Variants in COL4A3 observed in about 807,000 individuals in gnomAD.
COL4A3 encodes collagen alpha-3(IV) chain.
Under a neutral mutation model 217.4 loss-of-function variants are expected in COL4A3, and 135 were observed. The ratio of observed to expected loss-of-function variants is 0.62; its 90% confidence interval spans 0.54 to 0.72. The LOEUF (loss-of-function observed/expected upper bound fraction) is 0.72. Among genes scored for constraint, COL4A3 ranks in the 30% least tolerant of loss-of-function variants. COL4A3 has a pLI of 0.00. For synonymous variants in COL4A3, 690 were observed against 736.3 expected, an observed-to-expected ratio of 0.94 and a Z score of 1.02; for missense variants, 1,868 against 2,119.9, an observed-to-expected ratio of 0.88 and a Z score of 2.33.
chr2:227,244,790 T>C, intron 4 of COL4A3, 161 bp from the exon 5 acceptor site: 1 of 813,242 alleles, frequency 1.2e-6, no homozygotes, highest in South Asian at 1.4e-5. Flanking sequence ...TTACAAAAGT[T>C]TGTTAAACCT....
chr2:227,232,079 G>A (rs1012127249), intron 1 of COL4A3, among the ~76,000 whole-genome samples: 2 of 152,052 alleles, frequency 1.3e-5, no homozygotes, highest in Non-Finnish European at 2.9e-5. Flanking sequence ...TCTGTACCTG[G>A]CTTATTTCAT....
At chr2:227,181,127 T>C (rs2065855325) in intron 1 of COL4A3, among the ~76,000 whole-genome samples, 1 of 152,174 alleles carries the variant, frequency 6.6e-6, no homozygotes, top group African/African-American at 2.4e-5. Flanking sequence ...TACCTGTTAA[T>C]AGAGAAAAAA....
At chr2:227,200,098 C>T (rs1050530755) in intron 1 of COL4A3, among the ~76,000 whole-genome samples, 3 of 152,144 alleles carry the variant, frequency 2.0e-5, no homozygotes, top group South Asian at 4.1e-4. Flanking sequence ...TTCCCAGGTG[C>T]ACAGCTGAAT....
At chr2:227,224,797 A>T (rs971610627) in intron 1 of COL4A3, among the ~76,000 whole-genome samples, 1 of 152,210 alleles carries the variant, frequency 6.6e-6, no homozygotes, top group Non-Finnish European at 1.5e-5. Context: ...TGAGAAAACA[A>T]TTAATAAATT....
rs11315628 is a variant in COL4A3, at chr2:227,172,581, CTTTTTTTT to C, written c.87+7785_87+7792del. Among the ~76,000 whole-genome samples, 129 of 73,590 alleles carry C rather than the reference CTTTTTTTT, an allele frequency of 1.8e-3. 1 individual carries two copies. Among genetic ancestry groups the C allele is most frequent in the Non-Finnish European group, 2.2e-3 (91 of 41,716 alleles). 48.3% of individuals were successfully genotyped at this position (73,590 alleles called of 152,430 possible). ...CATCTTCTTCTTTCTTCGTCTTCTT[CTTTTTTTT>C]TTTTTTTTTTTTTTTTAGATGGAGT... On this transcript the variant is annotated intron_variant, in intron 1 of 51. Transcript: ENST00000396578.
intron 34 of COL4A3, among the ~76,000 whole-genome samples, chr2:227,288,560 T>A (rs796978264): frequency 1.1e-4 from 16 of 152,366 alleles, no homozygotes; most frequent in African/African-American, 3.8e-4. Flanking sequence ...TTGACTTACC[T>A]AATACTTTAT....
Position 227,261,095 on chromosome 2 carries a change from C to T in COL4A3, c.1128C>T (p.Pro376=). 6.2e-7 allele frequency: 1 copy of T among 1,612,070 alleles called. No individual in the cohort carries two copies. The highest frequency in any genetic ancestry group is 8.5e-7 in the Non-Finnish European group (1 of 1,178,128). The part of the protein sequence containing the change: ...GARGPQGPSG[P]PGVPGSPGSS... ...ATATATTCCCAGGTCCCAGTGGTCC[C>T]CCCGGAGTTCCTGGAAGTCCTGGTA... is the stretch of plus-strand genomic sequence containing the variant. Residue 376 remains proline (P), a synonymous_variant, in exon 20 of 52, where the codon CCC becomes CCT. Coordinates refer to ENST00000396578, the MANE Select transcript of COL4A3 (RefSeq NM_000091.5).
chr2:227,225,014 C>T (rs971558316), intron 1 of COL4A3, among the ~76,000 whole-genome samples: 1 of 152,162 alleles, frequency 6.6e-6, no homozygotes, highest in African/African-American at 2.4e-5. Flanking sequence ...TGGGCTCCAG[C>T]GATCCTCCCG....
chr2:227,194,641 T>C (rs961989577), intron 1 of COL4A3, among the ~76,000 whole-genome samples: 5 of 152,054 alleles, frequency 3.3e-5, no homozygotes, highest in Admixed American at 3.3e-4. Context: ...AGAAGATAAA[T>C]GCAGTATGCA....
intron 1 of COL4A3, among the ~76,000 whole-genome samples, chr2:227,189,733 A>G (rs2066160435): frequency 6.6e-6 from 1 of 152,218 alleles, no homozygotes; most frequent in East Asian, 1.9e-4. Context: ...ATTTGCTTCC[A>G]TAATTTAAAA....
At chr2:227,260,245 C>A (rs545718206) in intron 19 of COL4A3, among the ~76,000 whole-genome samples, 8 of 152,254 alleles carry the variant, frequency 5.3e-5, no homozygotes, top group Non-Finnish European at 7.4e-5. Flanking sequence ...GAACTGAAAC[C>A]CTGGTTTCCT....
Position 227,273,181 on chromosome 2 carries a change from C to T in COL4A3, c.1927+64C>T, listed in dbSNP as rs150051487. 1,747 of 1,557,250 alleles carry T rather than the reference C, an allele frequency of 1.1e-3. 2 individuals are homozygous for T. The highest frequency in any genetic ancestry group is 1.4e-3 in the Non-Finnish European group (1,618 of 1,131,028). ...GTGGGTTGATGGTTTCTAGAGCTAA[C>T]GAAGCTTCTCCAAGACTAAGGAAAA... On this transcript the variant is annotated intron_variant, in intron 26 of 51. Coordinates refer to ENST00000396578, the MANE Select transcript of COL4A3 (RefSeq NM_000091.5).
chr2:227,291,333 A>G (rs1374060977), intron 37 of COL4A3, among the ~76,000 whole-genome samples: 2 of 151,900 alleles, frequency 1.3e-5, no homozygotes, highest in Admixed American at 6.6e-5. Flanking sequence ...GGAGGCCGAG[A>G]CGGGCGGATC....
chr2:227,282,341 A>T lies in COL4A3; in HGVS notation c.2489-24A>T. The T allele has an allele frequency of 6.3e-7, 1 of 1,593,232 alleles. No individual in the cohort carries two copies. Among genetic ancestry groups the T allele is most frequent in the Non-Finnish European group, 8.6e-7 (1 of 1,164,350 alleles). On this transcript the variant is annotated intron_variant, in intron 31 of 51. Coordinates refer to ENST00000396578, the MANE Select transcript of COL4A3 (RefSeq NM_000091.5). The surrounding 1 kb of genome is among the most constrained non-coding windows in gnomAD (Gnocchi z 4.4). ...GGGGAAAGCATTTGTGGGTTAATTA[A>T]TTCATTCATTTATTCGTACACAGGC...
chr2:227,218,489 G>A (rs762728771), intron 1 of COL4A3, among the ~76,000 whole-genome samples: 7 of 151,882 alleles, frequency 4.6e-5, no homozygotes, highest in African/African-American at 1.2e-4. Context: ...AAAAAATGTC[G>A]TGTGAAAATA....
intron 5 of COL4A3, 132 bp downstream of exon 5, chr2:227,245,127 G>T: frequency 1.2e-6 from 1 of 832,080 alleles, no homozygotes; most frequent in Non-Finnish European, 2.0e-6. Context: ...CCTTAGGATG[G>T]TATATTATAC....
At chr2:227,259,726 A>G (rs1167868328) in intron 18 of COL4A3, 67 bp from the exon 19 acceptor site, 6 of 1,143,856 alleles carry the variant, frequency 5.2e-6, no homozygotes, top group Non-Finnish European at 1.3e-6. Flanking sequence ...AAACTGAAGT[A>G]ATGATGTTTG....
Position 227,232,828 on chromosome 2 carries a change from A to G in COL4A3, c.88-5140A>G, listed in dbSNP as rs57023356. Among the ~76,000 whole-genome samples the G allele has an allele frequency of 7.6e-3, 1,158 of 152,326 alleles. 10 individuals carry two copies. The highest frequency in any genetic ancestry group is 0.026 in the African/African-American group (1,069 of 41,578). On this transcript the variant is annotated intron_variant, in intron 1 of 51. Transcript: ENST00000396578. Reference sequence around the variant, plus strand: ...TAAGTGATTAAATATGAATGCATAAAAAGACATTTGTTTATGTAAAAATAA... The same window carrying G: ...TAAGTGATTAAATATGAATGCATAAGAAGACATTTGTTTATGTAAAAATAA...
intron 1 of COL4A3, among the ~76,000 whole-genome samples, chr2:227,205,460 A>T (rs2067065360): frequency 2.0e-5 from 3 of 152,172 alleles, no homozygotes; most frequent in South Asian, 4.1e-4. Flanking sequence ...GCATTGAGAC[A>T]TACAATGCTT....
Sources: gnomAD v4.1 joint callset for allele counts (sites outside exome capture counted in the v4.1 genomes callset) on GRCh38, gnomAD v4.1.1 for gene constraint, Gnocchi (gnomAD v3.1) non-coding constraint, MANE v1.5 for transcripts, NCBI Gene and HGNC (gene_info 2026-07-23, HGNC 2026-07-21) for gene names.